CTBP2: variants seen among roughly 807,000 people sequenced by gnomAD.
CTBP2 encodes the protein C-terminal-binding protein 2.
CTBP2 carries 30 observed loss-of-function variants against 80.3 expected under a neutral mutation model. The ratio of observed to expected loss-of-function variants is 0.37; its 90% CI spans 0.28 to 0.51. The LOEUF is 0.51. Among genes scored for constraint, CTBP2 ranks in the 20% least tolerant of loss-of-function variants. The pLI, the probability that CTBP2 is intolerant of heterozygous loss-of-function variation, is 0.93. For missense variants in CTBP2, 1,212 were observed against 1,375.3 expected, an observed-to-expected ratio of 0.88 and a Z score of 1.88; for synonymous variants, 594 against 587.4, an observed-to-expected ratio of 1.01 and a Z score of -0.16.
chr10:125,159,413 G>A (rs2133546735), intron 1 of CTBP2, among the ~76,000 whole-genome samples: 1 of 144,298 alleles, frequency 6.9e-6, no homozygotes, highest in African/African-American at 2.5e-5. Flanking sequence ...GGCCCGCCCG[G>A]CCCCCGCCCG....
intron 1 of CTBP2, among the ~76,000 whole-genome samples, chr10:125,014,341 A>G (rs1261863671): frequency 1.3e-5 from 2 of 152,210 alleles, no homozygotes; most frequent in African/African-American, 4.8e-5. Flanking sequence ...AGTCCCAGCT[A>G]CTTAGGAGGC....
chr10:125,060,303 A>C (rs1383339563), intron 2 of CTBP2, among the ~76,000 whole-genome samples: 1 of 152,240 alleles, frequency 6.6e-6, no homozygotes, highest in Admixed American at 6.5e-5. Context: ...TCACACGACA[A>C]ATGATCATAG....
intron 2 of CTBP2, among the ~76,000 whole-genome samples, chr10:125,098,510 T>C (rs777356163): frequency 6.6e-6 from 1 of 152,072 alleles, no homozygotes; most frequent in African/African-American, 2.4e-5. Flanking sequence ...GACCTGGGGA[T>C]GAGCGGGCCA....
At chr10:125,079,712 G>A (rs1440524818) in intron 2 of CTBP2, among the ~76,000 whole-genome samples, 1 of 152,202 alleles carries the variant, frequency 6.6e-6, no homozygotes. Flanking sequence ...GACAATAGAA[G>A]ACCAAAATAT....
intron 1 of CTBP2, among the ~76,000 whole-genome samples, chr10:125,157,103 T>C (rs577663308): frequency 6.6e-6 from 1 of 152,342 alleles, no homozygotes; most frequent in African/African-American, 2.4e-5. Context: ...TCTTACTTTC[T>C]TAACTTTAGA....
At chr10:125,114,101 G>A (rs1852764967) in intron 1 of CTBP2, among the ~76,000 whole-genome samples, 1 of 152,190 alleles carries the variant, frequency 6.6e-6, no homozygotes, top group Non-Finnish European at 1.5e-5. Flanking sequence ...TTCTTGGCAG[G>A]ATTTCTCTAA....
intron 3 of CTBP2, among the ~76,000 whole-genome samples, chr10:125,002,416 C>G (rs1954654417): frequency 6.6e-6 from 1 of 152,224 alleles, no homozygotes; most frequent in African/African-American, 2.4e-5. Flanking sequence ...GCTGCCTCTG[C>G]TTTTCTTCGG....
chr10:125,054,188 A>G (rs775615200), intron 2 of CTBP2, among the ~76,000 whole-genome samples: 4 of 152,074 alleles, frequency 2.6e-5, no homozygotes, highest in Non-Finnish European at 4.4e-5. Context: ...AATCAATCCC[A>G]TGGCCCCCGG....
intron 1 of CTBP2, among the ~76,000 whole-genome samples, chr10:125,152,076 C>T (rs900502243): frequency 2.6e-5 from 4 of 151,428 alleles, no homozygotes; most frequent in Non-Finnish European, 4.4e-5. Flanking sequence ...CCGCCAAGTG[C>T]CCTGCGGGGG....
At chr10:125,047,506 G>A (rs1195459930) in intron 2 of CTBP2, among the ~76,000 whole-genome samples, 1 of 152,262 alleles carries the variant, frequency 6.6e-6, no homozygotes, top group Non-Finnish European at 1.5e-5. Context: ...CAATACATCT[G>A]CTGTGTCCAG....
chr10:125,062,699 A>G (rs1173774484), intron 2 of CTBP2, among the ~76,000 whole-genome samples: 1 of 152,146 alleles, frequency 6.6e-6, no homozygotes, highest in Non-Finnish European at 1.5e-5. Context: ...CCTCTCTACT[A>G]AAAATACAAA....
chr10:125,036,984 C>G (rs3781396), intron 3 of CTBP2, among the ~76,000 whole-genome samples: 41,581 of 151,978 alleles, frequency 0.27, 6,082 homozygotes, highest in Admixed American at 0.33. Flanking sequence ...TAATGAGATG[C>G]CTAGGGAGCT....
intron 8 of CTBP2, among the ~76,000 whole-genome samples, chr10:124,991,866 C>A (rs1952670028): frequency 8.3e-6 from 1 of 121,078 alleles, no homozygotes; most frequent in South Asian, 2.8e-4. Flanking sequence ...GAGGGGGCTA[C>A]TGATTTTCCT....
chr10:125,003,650 G>A (rs1314161555), intron 1 of CTBP2, among the ~76,000 whole-genome samples, 158 bp from the exon 4 acceptor site: 1 of 152,178 alleles, frequency 6.6e-6, no homozygotes, highest in African/African-American at 2.4e-5. Flanking sequence ...CTTCCAGGGA[G>A]CCACTGACAC....
At chr10:125,148,151 G>C (rs1859141264) in intron 1 of CTBP2, among the ~76,000 whole-genome samples, 1 of 152,104 alleles carries the variant, frequency 6.6e-6, no homozygotes, top group Non-Finnish European at 1.5e-5. Flanking sequence ...TCTCTCCTTG[G>C]GCCGAGCCTC....
rs1844622524 is a variant in CTBP2 at position 125,066,284 on chromosome 10, A to C, written c.-101-27129T>G. On this transcript the variant is annotated intron_variant, in intron 2 of 10. Transcript: ENST00000337195. The surrounding 1 kb of genome is among the most constrained non-coding windows in gnomAD (Gnocchi z 4.1). ...AAGCCACATCCCAAATCCTAACCCC[A>C]GCAGAGCCAGAGACTCAATGCTTTG... is the stretch of plus-strand genomic sequence containing the variant. 6.6e-6 allele frequency among the ~76,000 whole-genome samples: 1 copy of C among 152,104 alleles called. No individual in the cohort carries two copies. Among genetic ancestry groups the C allele is most frequent in the South Asian group, 2.1e-4 (1 of 4,830 alleles).
chr10:125,013,402 T>TA (rs1283860968), intron 1 of CTBP2, among the ~76,000 whole-genome samples: 1 of 152,194 alleles, frequency 6.6e-6, no homozygotes, highest in African/African-American at 2.4e-5. Flanking sequence ...AGTTGTAAAA[T>TA]AGTCTCGTGC....
intron 1 of CTBP2, among the ~76,000 whole-genome samples, chr10:125,014,307 C>T (rs1319709492): frequency 6.6e-6 from 1 of 152,202 alleles, no homozygotes; most frequent in Non-Finnish European, 1.5e-5. Flanking sequence ...ACAAAATTTA[C>T]TGGGCGTGGT....
chr10:125,110,202 G>A (rs1041224305), intron 2 of CTBP2, among the ~76,000 whole-genome samples: 2 of 152,182 alleles, frequency 1.3e-5, no homozygotes, highest in African/African-American at 2.4e-5. Context: ...ATTGGCTAGC[G>A]GTTTCCCTTG....
Sources: gnomAD v4.1 joint callset for allele counts (sites outside exome capture counted in the v4.1 genomes callset) on GRCh38, gnomAD v4.1.1 for gene constraint, Gnocchi (gnomAD v3.1) non-coding constraint, MANE v1.5 for transcripts, NCBI Gene and HGNC (gene_info 2026-07-23, HGNC 2026-07-21) for gene names.